The following IGFN1 variants were observed in gnomAD, a reference collection of about 807,000 sequenced individuals.
IGFN1 encodes immunoglobulin-like and fibronectin type III domain-containing protein 1.
IGFN1 carries 253 observed loss-of-function variants against 289.5 expected under a neutral mutation model. The ratio of observed to expected loss-of-function variants is 0.87; its 90% CI spans 0.79 to 0.97. The LOEUF is 0.97. Among genes scored for constraint, IGFN1 ranks in the 50% least tolerant of loss-of-function variants. IGFN1 has a pLI of 0.00. For synonymous variants in IGFN1, 1,706 were observed against 1,788.5 expected (o/e 0.95, Z 1.16); for missense variants, 4,470 against 4,686.1 (o/e 0.95, Z 1.35).
chr1:201,211,373 T>C lies in IGFN1; in HGVS notation c.6480T>C (p.Phe2160=), dbSNP rs71635536. 0.31 allele frequency: 449,485 copies of C among 1,464,708 alleles called. 45,932 individuals are homozygous for C. The highest frequency in any genetic ancestry group is 0.35 in the South Asian group (28,120 of 80,234). The allele number at this position is 1,464,708 out of a possible 1,614,324, so 90.7% of individuals were successfully genotyped here. ...KGMGSESKAG[F]RDGLGSSGEM... ...TGGGTTCAGAGAGTAAGGCAGGTTTTAGGGATGGTTTAGGGAGTTCTGGGG... is the reference window on the plus strand; with the variant it reads ...TGGGTTCAGAGAGTAAGGCAGGTTTCAGGGATGGTTTAGGGAGTTCTGGGG... Residue 2160 remains phenylalanine (F), a synonymous_variant, in exon 12 of 24, where the codon TTT becomes TTC. Transcript: ENST00000335211.
At position 201,206,865 on chromosome 1, in the gene IGFN1, G is replaced by A. The variant is rs1368579073; in HGVS notation, c.1972G>A (p.Gly658Arg). 2.0e-6 allele frequency: 3 copies of A among 1,536,552 alleles called. No homozygotes were observed. Among genetic ancestry groups the A allele is most frequent in the Admixed American group, 2.0e-5 (1 of 50,982 alleles). ...GAGAGGAATAGTAGTGTGGGGTGGT[G>A]GGACTGGCCTGGGAGAAGCTGGAGA... ...RGRGIVVWGG[G>R]TGLGEAGDSN... is the part of the protein sequence containing the mutation. The change falls in exon 12 of 24, where the codon GGG (glycine) becomes AGG (arginine). Residue 658 changes from glycine (G) to arginine (R), a missense_variant. By Grantham distance (125) the Gly-to-Arg change is moderately radical. Around this residue, in one of 8 missense-constraint regions of IGFN1, gnomAD observed 2,011 missense variants for 1,953.4 expected, o/e 1.03. Coordinates refer to ENST00000335211, the MANE Select transcript of IGFN1 (RefSeq NM_001164586.2).
chr1:201,201,644 A>T (rs10157730), intron 8 of IGFN1, 75 bp from the exon 9 acceptor site: 1 of 775,568 alleles, frequency 1.3e-6, no homozygotes, highest in East Asian at 2.7e-5. Flanking sequence ...ATGGTACCAG[A>T]GCCTATGAGG....
At chr1:201,195,457 T>A (rs893010055) in intron 3 of IGFN1, among the ~76,000 whole-genome samples, 24 of 152,150 alleles carry the variant, frequency 1.6e-4, no homozygotes, top group Non-Finnish European at 1.5e-5. Flanking sequence ...TGCCCGGAAC[T>A]CACAAAATCT....
At position 201,226,864 on chromosome 1, in the gene IGFN1, C is replaced by T; in HGVS notation, c.10787-18C>T. ...CTCGCTTTCTCACCCTCTTCTCTCA[C>T]CCCGGCTTTCACCACAGACAGGTTC... On this transcript the variant is annotated intron_variant, in intron 22 of 23. Coordinates refer to ENST00000335211, the MANE Select transcript of IGFN1 (RefSeq NM_001164586.2). 6.5e-7 allele frequency: 1 copy of T among 1,548,660 alleles called. No individual in the cohort carries two copies. The highest frequency in any genetic ancestry group is 8.7e-7 in the Non-Finnish European group (1 of 1,144,830).
chr1:201,225,899 C>G lies in IGFN1; in HGVS notation c.10562C>G (p.Ser3521Cys), dbSNP rs1654053245. The G allele has an allele frequency of 1.9e-6, 3 of 1,612,226 alleles. No homozygotes were observed. Among genetic ancestry groups the G allele is most frequent in the Non-Finnish European group, 2.5e-6 (3 of 1,179,252 alleles). Residue 3521 changes from serine (S) to cysteine (C), a missense_variant, in exon 22 of 24, where the codon TCT becomes TGT. Around this residue, in one of 8 missense-constraint regions of IGFN1, gnomAD observed 2,218 missense variants for 2,114.1 expected, o/e 1.05. Transcript: ENST00000335211. The stretch of plus-strand genomic sequence containing the variant: ...ACGGTGACGGCCGAGTGGGAACCCT[C>G]TCCTGACGAGGCCCAGGATGTCCCG... ...PGTVTAEWEPSPDEAQDVPLH... is the reference protein window; with the variant it reads ...PGTVTAEWEPCPDEAQDVPLH...
rs369089660 is a variant in IGFN1 at position 201,204,125 on chromosome 1, T to C, written c.916+219T>C. Among the ~76,000 whole-genome samples, 52 of 152,338 alleles carry C rather than the reference T, an allele frequency of 3.4e-4. No individual in the cohort carries two copies. The East Asian group carries it at 6.7e-3, about 20-fold the overall frequency. On this transcript the variant is annotated intron_variant, in intron 10 of 23. Coordinates refer to ENST00000335211, the MANE Select transcript of IGFN1 (RefSeq NM_001164586.2). ...CTCCTGGTGCTGAGCTGGGTTCTACTGAATTACTGTCACAGACATAGAACA... is the reference window on the plus strand; with the variant it reads ...CTCCTGGTGCTGAGCTGGGTTCTACCGAATTACTGTCACAGACATAGAACA...
chr1:201,204,915 TG>T (rs1349727986), intron 10 of IGFN1, among the ~76,000 whole-genome samples, 166 bp from the exon 11 acceptor site: 3 of 152,170 alleles, frequency 2.0e-5, no homozygotes, highest in African/African-American at 2.4e-5. Flanking sequence ...TCATTTTACT[TG>T]GGGGGAATTG....
chr1:201,204,093 G>A (rs1342473981), intron 10 of IGFN1, among the ~76,000 whole-genome samples, 187 bp downstream of exon 10: 2 of 152,202 alleles, frequency 1.3e-5, no homozygotes, highest in African/African-American at 4.8e-5. Context: ...CTTGGTGCGA[G>A]TTATCTCTCC....
chr1:201,221,821 T>C, intron 19 of IGFN1, 75 bp downstream of exon 19: 1 of 1,298,568 alleles, frequency 7.7e-7, no homozygotes. Context: ...GTAGCCGCAA[T>C]GCACTTACTA....
intron 23 of IGFN1, among the ~76,000 whole-genome samples, chr1:201,227,431 GT>G (rs11298107): frequency 0.62 from 88,377 of 142,980 alleles, 28,167 homozygotes; most frequent in African/African-American, 0.81. Flanking sequence ...TTTATTTTTA[GT>G]TTTTTTTTTT....
intron 23 of IGFN1, among the ~76,000 whole-genome samples, chr1:201,227,515 C>A (rs12138414): frequency 0.27 from 40,371 of 151,380 alleles, 6,556 homozygotes; most frequent in Non-Finnish European, 0.35. Flanking sequence ...GCAGCCTCCA[C>A]CTCCTGGATT....
In IGFN1 at chr1:201,211,678, C is replaced by G. The variant is rs1327664523; in HGVS notation, c.6785C>G (p.Ser2262Ter). 6.5e-6 allele frequency: 10 copies of G among 1,536,862 alleles called. No homozygotes were observed. In the Admixed American group the frequency reaches 2.0e-4, roughly 30 times the overall value. ...TTGGGAGCTCCTGAGGAAATGGGTT[C>G]AGGCAGTTACACAGATTACAGGAAT... is the stretch of plus-strand genomic sequence containing the variant. ...KDLGAPEEMGSGSYTDYRNGL... is the reference protein window; with the variant it reads ...KDLGAPEEMG The change falls in exon 12 of 24, where the codon TCA (serine) becomes TGA (stop). Residue 2262 changes from serine to a stop codon, truncating the protein, a stop_gained. Coordinates refer to ENST00000335211, the MANE Select transcript of IGFN1 (RefSeq NM_001164586.2). LOFTEE classifies it high-confidence loss of function.
chr1:201,215,418 C>T (rs1248567324), intron 14 of IGFN1, 121 bp from the exon 15 acceptor site: 2 of 934,936 alleles, frequency 2.1e-6, no homozygotes, highest in East Asian at 2.6e-5. Flanking sequence ...TGTTTGTCCT[C>T]ATGTGGTGGG....
chr1:201,200,338 G>T lies in IGFN1; in HGVS notation c.560G>T (p.Gly187Val), dbSNP rs1274601826. 3 of 1,551,646 alleles carry T rather than the reference G, an allele frequency of 1.9e-6. No homozygotes were observed. In the African/African-American group the frequency reaches 4.1e-5, roughly 21 times the overall value. The change falls in exon 8 of 24, where the codon GGC becomes GTC. Residue 187 changes from glycine to valine, a missense_variant. Physicochemically the swap from Gly to Val is moderately radical, Grantham distance 109. This residue lies in a region of IGFN1 where 2,011 missense variants were observed against 1,953.4 expected (regional missense o/e 1.03). Coordinates refer to ENST00000335211, the MANE Select transcript of IGFN1 (RefSeq NM_001164586.2). ...KDYEKICLKY[G>V]IVDYRGMLRR... The stretch of plus-strand genomic sequence containing the variant: ...TACGAGAAGATCTGCTTGAAGTATG[G>T]CATCGTCGACTACCGTGGCATGTTG...
chr1:201,228,873 T>G lies in IGFN1; in HGVS notation c.*474T>G, dbSNP rs978272222. 6.2e-6 allele frequency: 1 copy of G among 161,820 alleles called. No homozygotes were observed. The highest frequency in any genetic ancestry group is 2.4e-5 in the African/African-American group (1 of 41,682). The allele number at this position is 161,820 out of a possible 1,614,324, so 10.0% of individuals were successfully genotyped here. ...TGTGTGGGTGGGGGCAGCCTCCACC[T>G]CCTGGATTCAAGAGATTCCAGGGGT... On this transcript the variant is annotated 3_prime_UTR_variant, in exon 24 of 24. Coordinates refer to ENST00000335211, the MANE Select transcript of IGFN1 (RefSeq NM_001164586.2).
chr1:201,211,425 T>C lies in IGFN1; in HGVS notation c.6532T>C (p.Tyr2178His). The C allele has an allele frequency of 6.7e-7, 1 of 1,499,990 alleles. No individual in the cohort carries two copies. Among genetic ancestry groups the C allele is most frequent in the Admixed American group, 2.0e-5 (1 of 48,798 alleles). 92.9% of individuals were successfully genotyped at this position (1,499,990 alleles called of 1,614,324 possible). A position where few individuals can be genotyped will look rare whatever the true frequency, so the allele number is the denominator to read the frequency against. ...GEMGSMDEAG[Y>H]RKDLGAPEGM... ...AATGGGGTCAATGGATGAGGCAGGT[T>C]ATAGGAAGGATTTGGGAGCTCCTGA... Residue 2178 changes from tyrosine (Y) to histidine (H), a missense_variant, in exon 12 of 24, where the codon TAT becomes CAT. Transcript: ENST00000335211.
Position 201,208,322 on chromosome 1 carries a change from T to C in IGFN1, c.3429T>C (p.Asp1143=). Residue 1143 remains aspartate (D), a synonymous_variant, in exon 12 of 24, where the codon GAT becomes GAC. Transcript: ENST00000335211. ...LGAFGEGGYE[D]GSGGPGAMGP... The stretch of plus-strand genomic sequence containing the variant: ...CCTTTGGAGAAGGAGGCTATGAAGA[T>C]GGCTCTGGGGGTCCAGGAGCCATGG... 2.0e-6 allele frequency: 3 copies of C among 1,510,862 alleles called. No individual in the cohort carries two copies. Among genetic ancestry groups the C allele is most frequent in the Non-Finnish European group, 2.6e-6 (3 of 1,137,832 alleles). 93.6% of individuals were successfully genotyped at this position (1,510,862 alleles called of 1,614,324 possible).
intron 17 of IGFN1, among the ~76,000 whole-genome samples, chr1:201,217,978 G>A (rs999323650): frequency 1.3e-5 from 2 of 152,226 alleles, no homozygotes; most frequent in Admixed American, 1.3e-4. Flanking sequence ...AGATCAGAAA[G>A]AACTTGGAAA....
rs149837907 is a variant in IGFN1, at chr1:201,215,608, C to T, written c.9065C>T (p.Pro3022Leu). 64 of 1,613,206 alleles carry T rather than the reference C, an allele frequency of 4.0e-5. No individual in the cohort carries two copies. The East Asian group carries it at 4.0e-4, about 10-fold the overall frequency. Residue 3022 changes from proline (P) to leucine (L), a missense_variant, in exon 15 of 24, where the codon CCG (proline) becomes CTG (leucine). Pro to Leu is a moderately conservative substitution (Grantham distance 98). Around this residue, in one of 8 missense-constraint regions of IGFN1, gnomAD observed 2,218 missense variants for 2,114.1 expected, o/e 1.05. Transcript: ENST00000335211. ...REPLVVKAGK[P>L]VIVKIPFQSH... ...CCACTGGTGGTCAAGGCTGGGAAGCCGGTGATAGTGAAGATCCCCTTCCAG... is the reference window on the plus strand; with the variant it reads ...CCACTGGTGGTCAAGGCTGGGAAGCTGGTGATAGTGAAGATCCCCTTCCAG...
Sources: allele counts gnomAD v4.1 joint callset (sites outside exome capture counted in the v4.1 genomes callset), GRCh38; gene constraint gnomAD v4.1.1; regional missense constraint gnomAD v4.1.1; transcripts MANE v1.5; gene names NCBI Gene and HGNC (gene_info 2026-07-23, HGNC 2026-07-21).